TRPM1: variants seen among roughly 807,000 people sequenced by gnomAD.
The protein encoded by TRPM1 is transient receptor potential cation channel subfamily M member 1, also known as TRPM1-203 APA Isoform, Intron 10.
Under a neutral mutation model 149.4 loss-of-function variants are expected in TRPM1, and 113 were observed. That is an observed-to-expected ratio of 0.76 (90% confidence interval 0.65 to 0.88). The LOEUF is 0.88. Among genes scored for constraint, TRPM1 ranks in the 40% least tolerant of loss-of-function variants. TRPM1 has a pLI of 0.00. For synonymous variants in TRPM1, 741 were observed against 759.5 expected (o/e 0.98, Z 0.40); for missense variants, 1,976 against 2,038.7 (o/e 0.97, Z 0.59).
intron 1 of TRPM1, among the ~76,000 whole-genome samples, chr15:31,095,593 G>A (rs535886988): frequency 1.7e-4 from 26 of 152,174 alleles, no homozygotes; most frequent in African/African-American, 5.8e-4. Flanking sequence ...GCTGAGGCAG[G>A]AGAATAGCTT....
chr15:31,146,709 G>A (rs1567079402), intron 1 of TRPM1, among the ~76,000 whole-genome samples: 1 of 152,140 alleles, frequency 6.6e-6, no homozygotes, highest in Admixed American at 6.5e-5. Flanking sequence ...ATTCAAGGCC[G>A]GGTGCGGTGG....
chr15:31,024,902 G>A (rs2032669407), intron 27 of TRPM1, among the ~76,000 whole-genome samples: 1 of 152,158 alleles, frequency 6.6e-6, no homozygotes, highest in African/African-American at 2.4e-5. Context: ...AGGTGGTGCA[G>A]GTAACCCTAG....
intron 1 of TRPM1, among the ~76,000 whole-genome samples, chr15:31,109,134 G>C (rs1011942738): frequency 6.6e-6 from 1 of 151,942 alleles, no homozygotes; most frequent in Non-Finnish European, 1.5e-5. Flanking sequence ...GCTTTGACAC[G>C]CAAGAGGAAA....
intron 1 of TRPM1, among the ~76,000 whole-genome samples, chr15:31,113,304 G>C (rs1028681048): frequency 5.9e-5 from 9 of 152,176 alleles, no homozygotes; most frequent in African/African-American, 1.7e-4. Context: ...TCTCCAGGAA[G>C]AGTGCTGCCT....
At chr15:31,062,206 T>C (rs2034253159) in intron 9 of TRPM1, among the ~76,000 whole-genome samples, 1 of 152,204 alleles carries the variant, frequency 6.6e-6, no homozygotes, top group Admixed American at 6.5e-5. Context: ...TACCTATTCC[T>C]TGTAAATGGA....
At chr15:31,115,133 C>T (rs1023808198) in intron 1 of TRPM1, among the ~76,000 whole-genome samples, 2 of 152,106 alleles carry the variant, frequency 1.3e-5, no homozygotes, top group African/African-American at 2.4e-5. Context: ...TGGCGGGTGC[C>T]TGTCATCCCA....
chr15:31,016,359 T>C (rs2032354851), intron 27 of TRPM1, among the ~76,000 whole-genome samples: 1 of 152,252 alleles, frequency 6.6e-6, no homozygotes, highest in Admixed American at 6.5e-5. Flanking sequence ...GTGTGCTTTC[T>C]TACACATGGT....
At chr15:31,128,975 C>T (rs2035985404) in intron 1 of TRPM1, among the ~76,000 whole-genome samples, 1 of 152,244 alleles carries the variant, frequency 6.6e-6, no homozygotes, top group Admixed American at 6.5e-5. Flanking sequence ...ATCATCTGCG[C>T]TTCCAGCCAG....
At chr15:31,069,374 A>C in intron 4 of TRPM1, 1 of 972,730 alleles carries the variant, frequency 1.0e-6, no homozygotes, top group South Asian at 4.7e-5. Context: ...ATTTCAGAAG[A>C]CTGTATATTG....
At chr15:31,034,580 G>T (rs2033257779) in intron 21 of TRPM1, among the ~76,000 whole-genome samples, 1 of 152,234 alleles carries the variant, frequency 6.6e-6, no homozygotes, top group African/African-American at 2.4e-5. Flanking sequence ...TTAGGCCAAG[G>T]ACAGGGTCCA....
At chr15:31,035,186 T>C (rs2033300010) in intron 21 of TRPM1, among the ~76,000 whole-genome samples, 1 of 152,218 alleles carries the variant, frequency 6.6e-6, no homozygotes, top group African/African-American at 2.4e-5. Flanking sequence ...GTATTTTTAG[T>C]TGAGACGGGG....
chr15:31,088,671 C>G (rs1038820573), intron 1 of TRPM1, among the ~76,000 whole-genome samples: 1 of 152,324 alleles, frequency 6.6e-6, no homozygotes, highest in South Asian at 2.1e-4. Flanking sequence ...CTAGGATGGG[C>G]ATTTCATACT....
At chr15:31,047,862 G>T (rs2033824432) in intron 14 of TRPM1, 27 bp downstream of exon 14, 39 of 1,590,484 alleles carry the variant, frequency 2.5e-5, no homozygotes, top group Non-Finnish European at 3.2e-5. Context: ...ATGCCAACAG[G>T]TAAGAATTGT....
chr15:31,144,103 G>C (rs2036193235), intron 1 of TRPM1, among the ~76,000 whole-genome samples: 1 of 152,170 alleles, frequency 6.6e-6, no homozygotes. Flanking sequence ...GGCAAAGTCT[G>C]ATGTCTGCCT....
chr15:31,089,453 A>G (rs1254071840), intron 1 of TRPM1, among the ~76,000 whole-genome samples: 3 of 152,214 alleles, frequency 2.0e-5, no homozygotes, highest in Non-Finnish European at 4.4e-5. Context: ...ATTGGTGACC[A>G]TGGCCTGCTG....
intron 15 of TRPM1, among the ~76,000 whole-genome samples, chr15:31,046,642 A>G (rs1232815455): frequency 6.6e-6 from 1 of 152,004 alleles, no homozygotes; most frequent in South Asian, 2.1e-4. Context: ...TGATCACAGG[A>G]TTTGATTTTG....
exon 1 of TRPM1, chr15:31,161,109 G>A (rs2036440520): frequency 1.3e-6 from 1 of 752,538 alleles, no homozygotes; most frequent in Non-Finnish European, 2.2e-6. Context: ...ACTGGGCGAG[G>A]GGGCCGAGAT....
intron 27 of TRPM1, among the ~76,000 whole-genome samples, chr15:31,006,607 A>G (rs902287025): frequency 1.3e-5 from 2 of 152,212 alleles, no homozygotes; most frequent in African/African-American, 4.8e-5. Context: ...ACATGTTTTC[A>G]TTTCTGTAGG....
rs184864892 is a variant in TRPM1 at position 31,114,442 on chromosome 15, T to C, written c.55-37458A>G. 5.9e-5 allele frequency among the ~76,000 whole-genome samples: 9 copies of C among 152,332 alleles called. No individual in the cohort carries two copies. The East Asian group carries it at 1.2e-3, about 20-fold the overall frequency. Reference sequence around the variant, plus strand: ...TTGATGGGCATTTAGGTTGATTCCATATCTTGCTGAAAGATGTTAATCCAC... The same window carrying C: ...TTGATGGGCATTTAGGTTGATTCCACATCTTGCTGAAAGATGTTAATCCAC... On this transcript the variant is annotated intron_variant, in intron 1 of 26. Transcript: ENST00000542188.
Sources: gnomAD v4.1 joint callset for allele counts (sites outside exome capture counted in the v4.1 genomes callset) on GRCh38, gnomAD v4.1.1 for gene constraint, MANE v1.5 for transcripts, NCBI Gene and HGNC (gene_info 2026-07-23, HGNC 2026-07-21) for gene names.